Variants in EXT1 observed in about 807,000 individuals in gnomAD.
EXT1 encodes exostosin-1.
EXT1 carries 20 observed loss-of-function variants against 82.5 expected under a neutral mutation model. The observed-to-expected ratio is 0.24, with a 90% confidence interval of 0.17 to 0.35. The LOEUF is 0.35. Ranked by LOEUF, EXT1 falls within the 10% of genes least tolerant of loss-of-function variation. EXT1 has a pLI of 1.00. For synonymous variants in EXT1, 348 were observed against 350.8 expected, an observed-to-expected ratio of 0.99 and a Z score of 0.09; for missense variants, 757 against 936.5, an observed-to-expected ratio of 0.81 and a Z score of 2.50.
chr8:117,940,614 C>T (rs1814252442), intron 1 of EXT1, among the ~76,000 whole-genome samples: 1 of 152,168 alleles, frequency 6.6e-6, no homozygotes, highest in East Asian at 1.9e-4. Flanking sequence ...GGAAGCCAGA[C>T]ATTAAGCCAA....
chr8:117,938,449 G>A (rs563304960), intron 1 of EXT1, among the ~76,000 whole-genome samples: 11 of 152,088 alleles, frequency 7.2e-5, no homozygotes, highest in Admixed American at 3.9e-4. Flanking sequence ...GTGACAAAGC[G>A]AGACTCCAAC....
At position 118,073,627 on chromosome 8, in the gene EXT1, AGAGAAAGAAGAGAAGAGAAGAGAAG is replaced by A. The variant is rs1378194040; in HGVS notation, c.962+36433_962+36457del. On this transcript the variant is annotated intron_variant, in intron 1 of 10. Coordinates refer to ENST00000378204, the MANE Select transcript of EXT1 (RefSeq NM_000127.3). The stretch of plus-strand genomic sequence containing the variant: ...AGAGAGAGGAAAGGAAGAGAAGAGA[AGAGAAAGAAGAGAAGAGAAGAGAAG>A]AGAAGAGAAGAGAAGAGAAGAGAAG... 2.3e-3 allele frequency among the ~76,000 whole-genome samples: 319 copies of A among 138,102 alleles called. 2 individuals carry two copies. Among genetic ancestry groups the A allele is most frequent in the African/African-American group, 9.1e-3 (297 of 32,524 alleles). 90.6% of individuals were successfully genotyped at this position (138,102 alleles called of 152,430 possible). A position where few individuals can be genotyped will look rare whatever the true frequency, so the allele number is the denominator to read the frequency against.
intron 1 of EXT1, among the ~76,000 whole-genome samples, chr8:117,873,815 G>A (rs1812919931): frequency 6.6e-6 from 1 of 152,146 alleles, no homozygotes; most frequent in African/African-American, 2.4e-5. Context: ...TAGGATTGGG[G>A]TGATTTTCAA....
chr8:118,095,638 T>A (rs77575513), intron 1 of EXT1, among the ~76,000 whole-genome samples: 1 of 152,230 alleles, frequency 6.6e-6, no homozygotes, highest in African/African-American at 2.4e-5. Context: ...TTCCCTCTGA[T>A]TGAATTTTCA....
chr8:118,071,674 T>C (rs1314222090), intron 1 of EXT1, among the ~76,000 whole-genome samples: 3 of 152,318 alleles, frequency 2.0e-5, no homozygotes, highest in South Asian at 4.1e-4. Flanking sequence ...CCCATCCTTC[T>C]ATCCACCCAT....
At chr8:117,981,313 C>G (rs1815198037) in intron 1 of EXT1, among the ~76,000 whole-genome samples, 2 of 152,166 alleles carry the variant, frequency 1.3e-5, no homozygotes, top group Admixed American at 6.5e-5. Flanking sequence ...AATCTTTGCA[C>G]TGCCTATGAA....
intron 1 of EXT1, among the ~76,000 whole-genome samples, chr8:118,106,647 T>C (rs960007397): frequency 6.6e-6 from 1 of 152,242 alleles, no homozygotes; most frequent in Non-Finnish European, 1.5e-5. Context: ...CCTTTCCCTC[T>C]CTTTCTTCTA....
intron 1 of EXT1, among the ~76,000 whole-genome samples, chr8:117,918,120 G>A (rs946756170): frequency 1.3e-5 from 2 of 152,268 alleles, no homozygotes; most frequent in Non-Finnish European, 1.5e-5. Flanking sequence ...TAAACAGCAC[G>A]AGATGCTGTA....
intron 1 of EXT1, among the ~76,000 whole-genome samples, chr8:118,030,561 AACC>A (rs1162775326): frequency 2.6e-5 from 4 of 152,164 alleles, no homozygotes; most frequent in South Asian, 4.1e-4. Flanking sequence ...AGCTCACTGC[AACC>A]ACCACCTCCT....
intron 1 of EXT1, among the ~76,000 whole-genome samples, chr8:118,065,127 A>G (rs1219164379): frequency 6.6e-6 from 1 of 152,150 alleles, no homozygotes; most frequent in Non-Finnish European, 1.5e-5. Context: ...TGCTGGGATT[A>G]CAGGCATGAG....
chr8:118,105,748 C>T (rs947266089), intron 1 of EXT1, among the ~76,000 whole-genome samples: 11 of 151,962 alleles, frequency 7.2e-5, no homozygotes, highest in African/African-American at 2.2e-4. Context: ...ATTTAAAACC[C>T]GAGAATCTCA....
chr8:117,937,266 T>G (rs1401771630), intron 1 of EXT1, among the ~76,000 whole-genome samples: 4 of 152,248 alleles, frequency 2.6e-5, no homozygotes, highest in Non-Finnish European at 5.9e-5. Context: ...CTGAAATCAT[T>G]GCACTTGTAC....
intron 1 of EXT1, among the ~76,000 whole-genome samples, chr8:117,947,997 C>A (rs1273675193): frequency 6.6e-6 from 1 of 151,986 alleles, no homozygotes; most frequent in African/African-American, 2.4e-5. Flanking sequence ...TTTCTGCCTC[C>A]AGTGATGAAT....
chr8:117,872,720 T>C (rs1812895417), intron 1 of EXT1, among the ~76,000 whole-genome samples: 1 of 151,966 alleles, frequency 6.6e-6, no homozygotes, highest in South Asian at 2.1e-4. Flanking sequence ...ATGGCAATAT[T>C]ATACAATGTG....
At chr8:117,864,445 G>C (rs1812737896) in intron 1 of EXT1, among the ~76,000 whole-genome samples, 1 of 152,058 alleles carries the variant, frequency 6.6e-6, no homozygotes, top group Non-Finnish European at 1.5e-5. Flanking sequence ...AATGATAGCT[G>C]ATGAGCTTTA....
At chr8:117,901,065 T>G (rs139992501) in intron 1 of EXT1, among the ~76,000 whole-genome samples, 80 of 152,334 alleles carry the variant, frequency 5.3e-4, no homozygotes, top group African/African-American at 1.9e-3. Context: ...AAATGAGATC[T>G]AGAGTATCAA....
chr8:118,004,993 C>T (rs1815744622), intron 1 of EXT1, among the ~76,000 whole-genome samples: 1 of 152,282 alleles, frequency 6.6e-6, no homozygotes, highest in African/African-American at 2.4e-5. Flanking sequence ...ATTCTCCACC[C>T]TGATCCTGGA....
rs183285521 is a variant in EXT1, at chr8:117,851,501, C to T, written c.963-14300G>A. Among the ~76,000 whole-genome samples, 139 of 151,140 alleles carry T rather than the reference C, an allele frequency of 9.2e-4. No individual in the cohort carries two copies. The East Asian group carries it at 0.017, about 19-fold the overall frequency. On this transcript the variant is annotated intron_variant, in intron 1 of 10. Transcript: ENST00000378204. Reference sequence around the variant, plus strand: ...TACATGGGGGTTTTAGTTGGTGCCACGTTTCGGATTTTTTTTTTTCTCTCC... The same window carrying T: ...TACATGGGGGTTTTAGTTGGTGCCATGTTTCGGATTTTTTTTTTTCTCTCC...
chr8:117,829,577 T>C (rs1587001059), intron 4 of EXT1, among the ~76,000 whole-genome samples: 4 of 119,658 alleles, frequency 3.3e-5, no homozygotes, highest in African/African-American at 1.4e-4. Context: ...TTCTTTTTTT[T>C]TTTTTTTTTT....
Sources: allele counts gnomAD v4.1 joint callset (sites outside exome capture counted in the v4.1 genomes callset), GRCh38; gene constraint gnomAD v4.1.1; transcripts MANE v1.5; gene names NCBI Gene and HGNC (gene_info 2026-07-23, HGNC 2026-07-21).